The following MYRF variants were observed in gnomAD, a reference collection of about 807,000 sequenced individuals.
MYRF encodes myelin regulatory factor.
MYRF carries 16 observed loss-of-function variants against 126.3 expected under a neutral mutation model. That is an observed-to-expected ratio of 0.13 (90% CI 0.09 to 0.19). The LOEUF is 0.19. Among genes scored for constraint, MYRF ranks in the 10% least tolerant of loss-of-function variants. The probability of loss-of-function intolerance (pLI) is 1.00; values close to 1 mark genes in which losing one functional copy is unlikely to be tolerated. For synonymous variants in MYRF, 608 were observed against 635.3 expected, an observed-to-expected ratio of 0.96 and a Z score of 0.65; for missense variants, 1,104 against 1,547.0, an observed-to-expected ratio of 0.71 and a Z score of 4.80.
In MYRF at chr11:61,777,629, T is replaced by A; in HGVS notation, c.1792-105T>A. ...CGATCTAACCACTCCAGTGGTGGGG[T>A]CTCCTCTCCACACTGCAGCCTCCAG... On this transcript the variant is annotated intron_variant, in intron 12 of 26. Transcript: ENST00000278836. The surrounding 1 kb of genome is among the most constrained non-coding windows in gnomAD (Gnocchi z 8.8). 7.7e-7 allele frequency: 1 copy of A among 1,304,706 alleles called. No homozygotes were observed. The highest frequency in any genetic ancestry group is 1.1e-6 in the Non-Finnish European group (1 of 939,988). The allele number at this position is 1,304,706 out of a possible 1,614,324, so 80.8% of individuals were successfully genotyped here.
At position 61,765,997 on chromosome 11, in the gene MYRF, C is replaced by T; in HGVS notation, c.174C>T (p.Ser58=). 6.4e-7 allele frequency: 1 copy of T among 1,572,246 alleles called. No homozygotes were observed. The highest frequency in any genetic ancestry group is 8.6e-7 in the Non-Finnish European group (1 of 1,161,348). The change falls in exon 3 of 27, where the codon TCC becomes TCT. Residue 58 remains serine (S), a synonymous_variant. Transcript: ENST00000278836. ...TCTCTGCTCCAGCCAGCTCGGCCTC[C>T]TACTCCCACGGGCAGCCTGCGATGC... ...PDISAPASSA[S]YSHGQPAMPG...
intron 1 of MYRF, chr11:61,754,149 G>A (rs198464): frequency 0.45 from 68,036 of 152,242 alleles, 15,636 homozygotes; most frequent in Middle Eastern, 0.5. Context: ...CAGGTCTTCC[G>A]GTGCCTCAGT....
chr11:61,753,040 C>A (rs1201015406), intron 1 of MYRF, among the ~76,000 whole-genome samples: 2 of 152,052 alleles, frequency 1.3e-5, no homozygotes, highest in African/African-American at 4.8e-5. Context: ...GTGTCCCCTT[C>A]CAGGTCCGGA....
intron 1 of MYRF, among the ~76,000 whole-genome samples, chr11:61,758,987 G>A (rs1406052845): frequency 6.6e-6 from 1 of 152,258 alleles, no homozygotes; most frequent in African/African-American, 2.4e-5. Flanking sequence ...TAGGGGGCAG[G>A]TGGTACGTGA....
At position 61,781,799 on chromosome 11, in the gene MYRF, G is replaced by C; in HGVS notation, c.2991G>C (p.Glu997Asp). 1 of 1,577,906 alleles carries C rather than the reference G, an allele frequency of 6.3e-7. No homozygotes were observed. The highest frequency in any genetic ancestry group is 8.6e-7 in the Non-Finnish European group (1 of 1,165,604). ...GALQSSVGPAEPTWAQGQSAS... is the reference protein window; with the variant it reads ...GALQSSVGPADPTWAQGQSAS... ...TCCAGTCCAGCGTGGGCCCTGCTGA[G>C]CCCACCTGGGCCCAGGGCCAGTCAG... The change falls in exon 22 of 27, where the codon GAG becomes GAC. Residue 997 changes from glutamate to aspartate, a missense_variant. This residue lies in a region of MYRF where 323 missense variants were observed against 383.1 expected (regional missense o/e 0.84). Transcript: ENST00000278836.
In MYRF at chr11:61,757,592, C is replaced by A. The variant is rs1039740789; in HGVS notation, c.46+4802C>A. On this transcript the variant is annotated intron_variant, in intron 1 of 26. Transcript: ENST00000278836. This position sits in a 1 kb window ranked among gnomAD's most constrained non-coding sequence, Gnocchi z 4.7. Reference sequence around the variant, plus strand: ...GTGCAAGGCCTGAACCATGACAGCTCTGGCCCAGCGTGGCCTGGTCCTGGT... The same window carrying A: ...GTGCAAGGCCTGAACCATGACAGCTATGGCCCAGCGTGGCCTGGTCCTGGT... 2.2e-6 allele frequency: 1 copy of A among 456,254 alleles called. No individual in the cohort carries two copies. Among genetic ancestry groups the A allele is most frequent in the East Asian group, 6.9e-5 (1 of 14,510 alleles). The allele number at this position is 456,254 out of a possible 1,614,324, so 28.3% of individuals were successfully genotyped here.
chr11:61,771,965 C>T lies in MYRF; in HGVS notation c.1115+13C>T. ...ACTACAAGGAGCTGTGAGTGCCCTA[C>T]AACACTCCCCACTCCTCCAGGCCCC... On this transcript the variant is annotated intron_variant, in intron 7 of 26. Coordinates refer to ENST00000278836, the MANE Select transcript of MYRF (RefSeq NM_001127392.3). The T allele has an allele frequency of 6.2e-7, 1 of 1,613,592 alleles. No homozygotes were observed. Among genetic ancestry groups the T allele is most frequent in the Non-Finnish European group, 8.5e-7 (1 of 1,179,718 alleles).
In MYRF at chr11:61,757,443, C is replaced by T. The variant is rs1342724250; in HGVS notation, c.46+4653C>T. ...GGTGATTAGGTAAGATTGTGCCTGG[C>T]CTGGTGAACACTCCATTGGTCCATG... is the stretch of plus-strand genomic sequence containing the variant. On this transcript the variant is annotated intron_variant, in intron 1 of 26. Coordinates refer to ENST00000278836, the MANE Select transcript of MYRF (RefSeq NM_001127392.3). The surrounding 1 kb of genome is among the most constrained non-coding windows in gnomAD (Gnocchi z 4.7). 1 of 453,604 alleles carries T rather than the reference C, an allele frequency of 2.2e-6. No individual in the cohort carries two copies. The highest frequency in any genetic ancestry group is 4.4e-6 in the Non-Finnish European group (1 of 224,986). 28.1% of individuals were successfully genotyped at this position (453,604 alleles called of 1,614,324 possible). A position where few individuals can be genotyped will look rare whatever the true frequency, so the allele number is the denominator to read the frequency against.
intron 21 of MYRF, 102 bp from the exon 22 acceptor site, chr11:61,781,465 GGACCAA>G (rs1171521343): frequency 3.9e-6 from 6 of 1,540,788 alleles, no homozygotes. Flanking sequence ...TCCCCTGAGA[GGACCAA>G]GAGACACATG....
intron 1 of MYRF, among the ~76,000 whole-genome samples, chr11:61,756,180 G>A (rs902296878): frequency 6.6e-6 from 1 of 152,186 alleles, no homozygotes; most frequent in Non-Finnish European, 1.5e-5. Context: ...CACCCTTCCC[G>A]GCTGTGGGAT....
In MYRF at chr11:61,777,649, C is replaced by T; in HGVS notation, c.1792-85C>T. The T allele has an allele frequency of 7.1e-7, 1 of 1,405,368 alleles. No individual in the cohort carries two copies. The highest frequency in any genetic ancestry group is 1.3e-5 in the South Asian group (1 of 78,030). The allele number at this position is 1,405,368 out of a possible 1,614,324, so 87.1% of individuals were successfully genotyped here. A position where few individuals can be genotyped will look rare whatever the true frequency, so the allele number is the denominator to read the frequency against. ...TGGGGTCTCCTCTCCACACTGCAGC[C>T]TCCAGGCTGCCGCCCTCCTGGGCTC... is the stretch of plus-strand genomic sequence containing the variant. On this transcript the variant is annotated intron_variant, in intron 12 of 26. Transcript: ENST00000278836. The surrounding 1 kb of genome is among the most constrained non-coding windows in gnomAD (Gnocchi z 8.8).
Position 61,756,966 on chromosome 11 carries a change from G to A in MYRF, c.46+4176G>A. The A allele has an allele frequency of 2.2e-5, 8 of 361,646 alleles. 1 individual carries two copies. Among genetic ancestry groups the A allele is most frequent in the South Asian group, 1.6e-4 (8 of 49,426 alleles). The allele number at this position is 361,646 out of a possible 1,614,324, so 22.4% of individuals were successfully genotyped here. A position where few individuals can be genotyped will look rare whatever the true frequency, so the allele number is the denominator to read the frequency against. Reference sequence around the variant, plus strand: ...GGCTGCTGGGTAACAGCCCAGCAGAGCTGCTCATTGGCTGCCACCCTTGGA... The same window carrying A: ...GGCTGCTGGGTAACAGCCCAGCAGAACTGCTCATTGGCTGCCACCCTTGGA... On this transcript the variant is annotated intron_variant, in intron 1 of 26. Coordinates refer to ENST00000278836, the MANE Select transcript of MYRF (RefSeq NM_001127392.3).
Position 61,788,075 on chromosome 11 carries a change from G to T in MYRF, c.*1932G>T, listed in dbSNP as rs886979232. The T allele has an allele frequency of 1.3e-5, 2 of 152,796 alleles. No individual in the cohort carries two copies. The highest frequency in any genetic ancestry group is 3.8e-4 in the East Asian group (2 of 5,314). 9.5% of individuals were successfully genotyped at this position (152,796 alleles called of 1,614,324 possible). The stretch of plus-strand genomic sequence containing the variant: ...AGTTGCCTTAAGCCTGTGGTAAAAG[G>T]GCTTCAGGGAAGGTAAGTGGGCCAC... On this transcript the variant is annotated 3_prime_UTR_variant, in exon 27 of 27. Coordinates refer to ENST00000278836, the MANE Select transcript of MYRF (RefSeq NM_001127392.3).
Position 61,757,205 on chromosome 11 carries a change from G to A in MYRF, c.46+4415G>A, listed in dbSNP as rs1282379277. On this transcript the variant is annotated intron_variant, in intron 1 of 26. Coordinates refer to ENST00000278836, the MANE Select transcript of MYRF (RefSeq NM_001127392.3). This position sits in a 1 kb window ranked among gnomAD's most constrained non-coding sequence, Gnocchi z 4.7. ...CCAGGCCTTCAGCCCCGGCTGCCACGGGGTGTGGGTACCTCTTGGTTGGGT... is the reference window on the plus strand; with the variant it reads ...CCAGGCCTTCAGCCCCGGCTGCCACAGGGTGTGGGTACCTCTTGGTTGGGT... 3 of 456,766 alleles carry A rather than the reference G, an allele frequency of 6.6e-6. No homozygotes were observed. Among genetic ancestry groups the A allele is most frequent in the Non-Finnish European group, 1.3e-5 (3 of 226,984 alleles). The allele number at this position is 456,766 out of a possible 1,614,324, so 28.3% of individuals were successfully genotyped here.
chr11:61,753,102 G>A (rs536143956), intron 1 of MYRF, among the ~76,000 whole-genome samples: 30 of 151,966 alleles, frequency 2.0e-4, no homozygotes, highest in Admixed American at 6.5e-4. Context: ...TGACACTCTC[G>A]CCCCCAGCAA....
In MYRF at chr11:61,783,403, A is replaced by T; in HGVS notation, c.3017-95A>T. Reference sequence around the variant, plus strand: ...AAAAAATAACCTGGAACTTATTCATACTAAGGTGTGAGTGACTGCTTCAAG... The same window carrying T: ...AAAAAATAACCTGGAACTTATTCATTCTAAGGTGTGAGTGACTGCTTCAAG... On this transcript the variant is annotated intron_variant, in intron 22 of 26. Transcript: ENST00000278836. This position sits in a 1 kb window ranked among gnomAD's most constrained non-coding sequence, Gnocchi z 4.6. 1.1e-6 allele frequency: 1 copy of T among 917,916 alleles called. No homozygotes were observed. Among genetic ancestry groups the T allele is most frequent in the Non-Finnish European group, 1.8e-6 (1 of 570,342 alleles). The allele number at this position is 917,916 out of a possible 1,614,324, so 56.9% of individuals were successfully genotyped here.
chr11:61,784,021 G>A, intron 24 of MYRF, 96 bp downstream of exon 24: 10 of 1,399,754 alleles, frequency 7.1e-6, no homozygotes, highest in Non-Finnish European at 7.9e-6. Context: ...CAGCCGGAGA[G>A]TCTCTGGTAT....
chr11:61,775,529 C>T (rs1009637981), intron 8 of MYRF, among the ~76,000 whole-genome samples: 8 of 152,150 alleles, frequency 5.3e-5, no homozygotes, highest in East Asian at 1.9e-4. Context: ...CTGTCGGCTT[C>T]GGTGTGATGA....
At chr11:61,784,407 C>T (rs1245167767) in intron 25 of MYRF, 22 bp downstream of exon 25, 38 of 1,599,244 alleles carry the variant, frequency 2.4e-5, no homozygotes, top group Non-Finnish European at 2.7e-5. Context: ...TGGGAAGCTG[C>T]GGGCCGGCCA....
Sources: gnomAD v4.1 joint callset for allele counts (sites outside exome capture counted in the v4.1 genomes callset) on GRCh38, gnomAD v4.1.1 for gene constraint, gnomAD v4.1.1 regional missense constraint, Gnocchi (gnomAD v3.1) non-coding constraint, MANE v1.5 for transcripts, NCBI Gene and HGNC (gene_info 2026-07-23, HGNC 2026-07-21) for gene names.